The following PPP1R9A variants were observed in gnomAD, a reference collection of about 807,000 sequenced individuals.
PPP1R9A encodes neurabin-1.
PPP1R9A carries 59 observed loss-of-function variants against 141.9 expected under a neutral mutation model. That is an observed-to-expected ratio of 0.42 (90% CI 0.34 to 0.52). The LOEUF (loss-of-function observed/expected upper bound fraction) is 0.52. Ranked by LOEUF, PPP1R9A falls within the 20% of genes least tolerant of loss-of-function variation. The probability of loss-of-function intolerance (pLI) is 0.10; values close to 1 mark genes in which losing one functional copy is unlikely to be tolerated. For missense variants in PPP1R9A, 1,444 were observed against 1,611.9 expected (o/e 0.90, Z 1.78); for synonymous variants, 500 against 569.7 (o/e 0.88, Z 1.74).
chr7:95,101,504 G>GA (rs1818791290), intron 2 of PPP1R9A, among the ~76,000 whole-genome samples: 1 of 151,988 alleles, frequency 6.6e-6, no homozygotes, highest in Admixed American at 6.6e-5. Context: ...AATATAAGAA[G>GA]AAAAAAACAC....
chr7:95,181,593 AATAT>A (rs200691412), intron 5 of PPP1R9A, among the ~76,000 whole-genome samples: 2 of 139,756 alleles, frequency 1.4e-5, no homozygotes, highest in African/African-American at 5.3e-5. Flanking sequence ...ATATATATAG[AATAT>A]ATATATTCTG....
In PPP1R9A at chr7:95,293,012, C is replaced by T. The variant is rs1239676848; in HGVS notation, c.*2709C>T. 6.6e-6 allele frequency: 1 copy of T among 152,052 alleles called. No individual in the cohort carries two copies. Among genetic ancestry groups the T allele is most frequent in the African/African-American group, 2.4e-5 (1 of 41,380 alleles). 9.4% of individuals were successfully genotyped at this position (152,052 alleles called of 1,614,324 possible). The stretch of plus-strand genomic sequence containing the variant: ...CCTTAAAAACTGCAGTTTTTATTAT[C>T]AGAAAATGAACAAAAAGGGAATATC... On this transcript the variant is annotated 3_prime_UTR_variant, in exon 20 of 20. Transcript: ENST00000433360.
chr7:95,137,974 C>T (rs938532997), intron 4 of PPP1R9A, among the ~76,000 whole-genome samples: 61 of 149,068 alleles, frequency 4.1e-4, no homozygotes, highest in African/African-American at 1.4e-3. Context: ...GCTTTGTCAC[C>T]CAGGCTGGAG....
chr7:95,112,319 A>G (rs1820709134), intron 3 of PPP1R9A, among the ~76,000 whole-genome samples: 2 of 152,210 alleles, frequency 1.3e-5, no homozygotes, highest in Admixed American at 1.3e-4. Flanking sequence ...AACACTCCAC[A>G]TCACTAATCA....
chr7:95,048,103 A>G (rs1485292255), intron 2 of PPP1R9A, among the ~76,000 whole-genome samples: 1 of 152,218 alleles, frequency 6.6e-6, no homozygotes, highest in Non-Finnish European at 1.5e-5. Context: ...TGAAATGTAC[A>G]TTAAATGGTA....
chr7:94,928,021 A>G (rs1270597588), intron 2 of PPP1R9A, among the ~76,000 whole-genome samples: 1 of 152,194 alleles, frequency 6.6e-6, no homozygotes, highest in Non-Finnish European at 1.5e-5. Context: ...ACACATGTCA[A>G]CTTTGATATA....
chr7:94,910,147 A>G lies in PPP1R9A; in HGVS notation c.34A>G (p.Thr12Ala), dbSNP rs751100767. The G allele has an allele frequency of 1.7e-5, 27 of 1,613,216 alleles. No homozygotes were observed. The Admixed American group carries it at 4.0e-4, about 24-fold the overall frequency. ...AACTGAGTCTTCAGGTGAACGAACC[A>G]CTCTCAGAAGTGCCTCTCCTCACAG... ...LKTESSGERT[T>A]LRSASPHRNA... Residue 12 changes from threonine to alanine, a missense_variant, in exon 2 of 20, where the codon ACT (threonine) becomes GCT (alanine). Thr to Ala is a moderately conservative substitution (Grantham distance 58, BLOSUM62 0). Transcript: ENST00000433360. This position sits in a 1 kb window ranked among gnomAD's most constrained non-coding sequence, Gnocchi z 4.5.
chr7:95,239,336 T>A (rs766480684), intron 8 of PPP1R9A, among the ~76,000 whole-genome samples: 2 of 152,210 alleles, frequency 1.3e-5, no homozygotes, highest in Admixed American at 6.6e-5. Context: ...TTGTTTGCAG[T>A]TGCTGGATAA....
intron 6 of PPP1R9A, among the ~76,000 whole-genome samples, chr7:95,199,743 T>C (rs1391816195): frequency 6.6e-6 from 1 of 152,232 alleles, no homozygotes; most frequent in African/African-American, 2.4e-5. Context: ...AGATATTTTG[T>C]ATGAAAAATG....
In PPP1R9A at chr7:95,130,688, G is replaced by A. The variant is rs536360945; in HGVS notation, c.1649+9856G>A. ...GGAGGCTGTACCCTACAGAGCCACA[G>A]GGGTGGAGCTTCCCAAAACCACAGG... On this transcript the variant is annotated intron_variant, in intron 4 of 19. Coordinates refer to ENST00000433360, the MANE Select transcript of PPP1R9A (RefSeq NM_001166160.2). Among the ~76,000 whole-genome samples, 205 of 152,298 alleles carry A rather than the reference G, an allele frequency of 1.3e-3. 1 individual carries two copies. Among genetic ancestry groups the A allele is most frequent in the African/African-American group, 4.5e-3 (185 of 41,564 alleles).
At chr7:95,220,251 T>G (rs1025635503) in intron 7 of PPP1R9A, among the ~76,000 whole-genome samples, 12 of 152,186 alleles carry the variant, frequency 7.9e-5, no homozygotes, top group African/African-American at 2.9e-4. Flanking sequence ...AAAATGTGAG[T>G]TTGACGTTTT....
At chr7:95,219,482 G>A (rs527869550) in intron 7 of PPP1R9A, among the ~76,000 whole-genome samples, 77 of 152,018 alleles carry the variant, frequency 5.1e-4, no homozygotes, top group East Asian at 1.2e-3. Context: ...TCTTTGTGGC[G>A]TTCTCTGTAT....
chr7:94,993,742 T>G (rs2151449550), intron 2 of PPP1R9A, among the ~76,000 whole-genome samples: 1 of 152,350 alleles, frequency 6.6e-6, no homozygotes, highest in South Asian at 2.1e-4. Flanking sequence ...TTTATATCTT[T>G]TAATCTTACT....
chr7:95,121,266 C>T (rs938167810), intron 4 of PPP1R9A, among the ~76,000 whole-genome samples: 14 of 152,154 alleles, frequency 9.2e-5, no homozygotes, highest in African/African-American at 3.1e-4. Context: ...TTCTGAAGGT[C>T]AGTGTTTCTC....
At chr7:95,216,140 A>C (rs1473582276) in intron 7 of PPP1R9A, among the ~76,000 whole-genome samples, 3 of 152,112 alleles carry the variant, frequency 2.0e-5, no homozygotes, top group Non-Finnish European at 2.9e-5. Context: ...ATCTTGAATG[A>C]ATTTTTGTAT....
At chr7:95,049,170 A>G (rs1339979364) in intron 2 of PPP1R9A, among the ~76,000 whole-genome samples, 1 of 152,200 alleles carries the variant, frequency 6.6e-6, no homozygotes, top group Non-Finnish European at 1.5e-5. Context: ...GCATAGGAGT[A>G]TGTAGAAGGT....
At chr7:94,997,394 A>C (rs35266590) in intron 2 of PPP1R9A, among the ~76,000 whole-genome samples, 14,776 of 151,744 alleles carry the variant, frequency 0.097, 802 homozygotes, top group East Asian at 0.15. Flanking sequence ...TCTTCTTTTA[A>C]ATTTTTTGAA....
At position 95,268,699 on chromosome 7, in the gene PPP1R9A, G is replaced by C. The variant is rs1801679811; in HGVS notation, c.2815G>C (p.Glu939Gln). 6.2e-7 allele frequency: 1 copy of C among 1,612,832 alleles called. No homozygotes were observed. The highest frequency in any genetic ancestry group is 1.7e-4 in the Middle Eastern group (1 of 6,046). ...TTCCACAGATGGGGAGGACAGTCTA[G>C]AGAGAAAGGTGAGCACCCTTGACCG... ...VSSTDGEDSL[E>Q]RKPSNSFYNH... The change falls in exon 13 of 20, where the codon GAG (glutamate) becomes CAG (glutamine). Residue 939 changes from glutamate to glutamine, a missense_variant. Glu to Gln is a conservative substitution (Grantham distance 29, BLOSUM62 2). Transcript: ENST00000433360.
intron 6 of PPP1R9A, 128 bp downstream of exon 6, chr7:95,198,612 C>G (rs185769243): frequency 8.9e-7 from 1 of 1,127,614 alleles, no homozygotes; most frequent in Admixed American, 2.9e-5. Flanking sequence ...AACTAAAATT[C>G]TACCTTAGAA....
Sources: gnomAD v4.1 joint callset for allele counts (sites outside exome capture counted in the v4.1 genomes callset) on GRCh38, gnomAD v4.1.1 for gene constraint, Gnocchi (gnomAD v3.1) non-coding constraint, MANE v1.5 for transcripts, NCBI Gene and HGNC (gene_info 2026-07-23, HGNC 2026-07-21) for gene names.